DPP10: variants seen among roughly 807,000 people sequenced by gnomAD.
The protein encoded by DPP10 is inactive dipeptidyl peptidase 10.
DPP10 carries 33 observed loss-of-function variants against 120.9 expected under a neutral mutation model. That is an observed-to-expected ratio of 0.27 (90% CI 0.21 to 0.37). The LOEUF (loss-of-function observed/expected upper bound fraction) is 0.37, where lower values mean the gene tolerates loss of function less well. Among genes scored for constraint, DPP10 ranks in the 10% least tolerant of loss-of-function variants. DPP10 has a pLI of 1.00. For synonymous variants in DPP10, 337 were observed against 326.1 expected, an observed-to-expected ratio of 1.03 and a Z score of -0.36; for missense variants, 816 against 942.8, an observed-to-expected ratio of 0.87 and a Z score of 1.76.
chr2:115,225,019 A>C (rs1013604854), intron 1 of DPP10, among the ~76,000 whole-genome samples: 1 of 152,134 alleles, frequency 6.6e-6, no homozygotes, highest in African/African-American at 2.4e-5. Flanking sequence ...ACTGTGCTAC[A>C]CTCATCTTTT....
At chr2:115,424,433 A>G (rs548919946) in intron 3 of DPP10, among the ~76,000 whole-genome samples, 1 of 152,122 alleles carries the variant, frequency 6.6e-6, no homozygotes, top group African/African-American at 2.4e-5. Flanking sequence ...TTTGCCACAG[A>G]TTATTCTGCC....
At chr2:114,861,916 C>T (rs1041565212) in intron 1 of DPP10, among the ~76,000 whole-genome samples, 1 of 151,838 alleles carries the variant, frequency 6.6e-6, no homozygotes, top group Non-Finnish European at 1.5e-5. Flanking sequence ...TAAGAAACCC[C>T]GAGAAAAGAG....
intron 1 of DPP10, among the ~76,000 whole-genome samples, chr2:115,229,897 A>G (rs576483053): frequency 2.1e-5 from 3 of 143,660 alleles, no homozygotes; most frequent in East Asian, 2.0e-4. Flanking sequence ...AGCTTTGGCT[A>G]TTCTGGGTCT....
Position 114,565,951 on chromosome 2 carries a change from G to T in DPP10, c.60+123113G>T, listed in dbSNP as rs367618320. Among the ~76,000 whole-genome samples the T allele has an allele frequency of 9.2e-5, 14 of 152,156 alleles. No homozygotes were observed. The East Asian group carries it at 2.5e-3, about 27-fold the overall frequency. On this transcript the variant is annotated intron_variant, in intron 1 of 25. Coordinates refer to ENST00000410059, the MANE Select transcript of DPP10 (RefSeq NM_020868.6). The stretch of plus-strand genomic sequence containing the variant: ...CCCTCTGTGTTCCAGACACTATTCT[G>T]GTTACTAGAAATACTGCAATGAACA...
intron 1 of DPP10, among the ~76,000 whole-genome samples, chr2:114,503,945 G>A (rs1030329809): frequency 2.0e-5 from 3 of 152,182 alleles, no homozygotes; most frequent in African/African-American, 7.2e-5. Context: ...CTATGTGGGG[G>A]AAAGAATCAC....
chr2:114,891,377 A>C (rs564574969), intron 1 of DPP10, among the ~76,000 whole-genome samples: 1 of 152,350 alleles, frequency 6.6e-6, no homozygotes, highest in East Asian at 1.9e-4. Flanking sequence ...TGGAAAGATA[A>C]TTCTGGCTGT....
chr2:114,655,917 G>T (rs1371822623), intron 1 of DPP10, among the ~76,000 whole-genome samples: 3 of 152,070 alleles, frequency 2.0e-5, no homozygotes, highest in Non-Finnish European at 4.4e-5. Context: ...AAAGAGAGAA[G>T]GTTGTTAAGA....
chr2:114,984,333 C>T (rs1700269912), intron 1 of DPP10, among the ~76,000 whole-genome samples: 2 of 152,002 alleles, frequency 1.3e-5, no homozygotes, highest in South Asian at 4.1e-4. Flanking sequence ...TAGTCTGGGG[C>T]AAATTCGCGA....
intron 5 of DPP10, among the ~76,000 whole-genome samples, chr2:115,589,052 T>G (rs1431199668): frequency 6.6e-6 from 1 of 152,156 alleles, no homozygotes; most frequent in African/African-American, 2.4e-5. Flanking sequence ...AAAAATGACA[T>G]AGGCATTCAT....
At chr2:115,210,789 A>T (rs1013701500) in intron 1 of DPP10, among the ~76,000 whole-genome samples, 1 of 151,948 alleles carries the variant, frequency 6.6e-6, no homozygotes, top group African/African-American at 2.4e-5. Context: ...GCATTTTTTC[A>T]TGTGTCTGTT....
At chr2:115,683,566 G>C (rs904417949) in intron 5 of DPP10, among the ~76,000 whole-genome samples, 4 of 151,832 alleles carry the variant, frequency 2.6e-5, no homozygotes, top group Non-Finnish European at 5.9e-5. Flanking sequence ...AGGGGATATT[G>C]ATAGTGGAGA....
At chr2:115,371,611 A>G (rs1439323975) in intron 3 of DPP10, among the ~76,000 whole-genome samples, 1 of 152,084 alleles carries the variant, frequency 6.6e-6, no homozygotes, top group Non-Finnish European at 1.5e-5. Context: ...AATTGTATTT[A>G]TCATTCCCAG....
intron 1 of DPP10, among the ~76,000 whole-genome samples, chr2:115,284,192 AAC>A (rs961277317): frequency 1.1e-3 from 169 of 152,192 alleles, no homozygotes; most frequent in African/African-American, 4.0e-3. Flanking sequence ...TACTGAAAAA[AAC>A]ACAGTGTAGT....
intron 1 of DPP10, among the ~76,000 whole-genome samples, chr2:115,212,611 C>G (rs2056588182): frequency 6.6e-6 from 1 of 151,950 alleles, no homozygotes; most frequent in South Asian, 2.1e-4. Context: ...AACCAATTTT[C>G]TTTAATTTAA....
At chr2:115,382,653 G>A (rs1235634909) in intron 3 of DPP10, among the ~76,000 whole-genome samples, 1 of 152,098 alleles carries the variant, frequency 6.6e-6, no homozygotes, top group Non-Finnish European at 1.5e-5. Context: ...TTTAATGAAG[G>A]AGAGGTATGA....
At chr2:115,776,957 T>C (rs1682177271) in intron 13 of DPP10, among the ~76,000 whole-genome samples, 1 of 152,028 alleles carries the variant, frequency 6.6e-6, no homozygotes, top group African/African-American at 2.4e-5. Context: ...ATCAACATGG[T>C]ATACTTGATT....
chr2:115,811,517 G>A (rs1297204761), intron 19 of DPP10, among the ~76,000 whole-genome samples: 2 of 152,184 alleles, frequency 1.3e-5, no homozygotes, highest in African/African-American at 4.8e-5. Flanking sequence ...GCCATAAAAT[G>A]TCTGACTTAT....
intron 3 of DPP10, among the ~76,000 whole-genome samples, chr2:115,443,939 C>G (rs965584102): frequency 2.6e-5 from 4 of 152,120 alleles, no homozygotes; most frequent in Non-Finnish European, 5.9e-5. Context: ...CCAGTAGCAT[C>G]CCCCAGTAGT....
chr2:114,544,606 A>T (rs1245909570), intron 1 of DPP10, among the ~76,000 whole-genome samples: 3 of 152,076 alleles, frequency 2.0e-5, no homozygotes, highest in African/African-American at 7.2e-5. Context: ...ACAGAAAATA[A>T]GAGTCATTGG....
Sources: gnomAD v4.1 joint callset for allele counts (sites outside exome capture counted in the v4.1 genomes callset) on GRCh38, gnomAD v4.1.1 for gene constraint, MANE v1.5 for transcripts, NCBI Gene and HGNC (gene_info 2026-07-23, HGNC 2026-07-21) for gene names.